Variants in PNPT1 observed in about 807,000 individuals in gnomAD.
The protein encoded by PNPT1 is polyribonucleotide nucleotidyltransferase 1, mitochondrial.
Under a neutral mutation model 119.5 loss-of-function variants are expected in PNPT1, and 53 were observed. The observed-to-expected ratio is 0.44, with a 90% CI of 0.36 to 0.56. The LOEUF is 0.56. Ranked by LOEUF, PNPT1 falls within the 20% of genes least tolerant of loss-of-function variation. The pLI is 0.00. For missense variants in PNPT1, 948 were observed against 938.5 expected (o/e 1.01, Z -0.13); for synonymous variants, 357 against 322.1 (o/e 1.11, Z -1.16).
chr2:55,670,843 T>C (rs1051432877), intron 11 of PNPT1, among the ~76,000 whole-genome samples: 1 of 152,170 alleles, frequency 6.6e-6, no homozygotes, highest in African/African-American at 2.4e-5. Context: ...GCATCAAATG[T>C]AGTGCTAGCT....
chr2:55,647,234 C>T lies in PNPT1; in HGVS notation c.1602+113G>A, dbSNP rs1416852736. On this transcript the variant is annotated intron_variant, in intron 19 of 27. Coordinates refer to ENST00000447944, the MANE Select transcript of PNPT1 (RefSeq NM_033109.5). The stretch of plus-strand genomic sequence containing the variant: ...AAATACTAGCATTCTTCTAAGCATA[C>T]GCTAGGTGCAAAGTACATATAGTCT... The T allele has an allele frequency of 3.1e-5, 24 of 772,234 alleles. No homozygotes were observed. The East Asian group carries it at 4.2e-4, about 13-fold the overall frequency. The allele number at this position is 772,234 out of a possible 1,614,324, so 47.8% of individuals were successfully genotyped here.
In PNPT1 at chr2:55,636,159, A is replaced by G. The variant is rs112367794; in HGVS notation, c.*78T>C. 12 of 1,006,072 alleles carry G rather than the reference A, an allele frequency of 1.2e-5. No individual in the cohort carries two copies. The highest frequency in any genetic ancestry group is 2.9e-5 in the Admixed American group (1 of 34,990). The allele number at this position is 1,006,072 out of a possible 1,614,324, so 62.3% of individuals were successfully genotyped here. A position where few individuals can be genotyped will look rare whatever the true frequency, so the allele number is the denominator to read the frequency against. ...ATTATATAGAAATCTACACAATGGA[A>G]GATACTACTAAAATGTTGCTCTACA... On this transcript the variant is annotated 3_prime_UTR_variant, in exon 28 of 28. Coordinates refer to ENST00000447944, the MANE Select transcript of PNPT1 (RefSeq NM_033109.5).
chr2:55,638,073 AG>A (rs1695728253), intron 26 of PNPT1, among the ~76,000 whole-genome samples: 1 of 151,466 alleles, frequency 6.6e-6, no homozygotes, highest in African/African-American at 2.4e-5. Context: ...AGGCTGGGGC[AG>A]GCAGATCACT....
chr2:55,663,410 T>C (rs573429953), intron 13 of PNPT1, among the ~76,000 whole-genome samples: 7 of 152,244 alleles, frequency 4.6e-5, no homozygotes, highest in African/African-American at 1.2e-4. Flanking sequence ...ATATGTGCAG[T>C]TGCAATTCTA....
At chr2:55,645,149 G>A (rs1219797445) in intron 22 of PNPT1, 200 bp downstream of exon 22, 4 of 357,264 alleles carry the variant, frequency 1.1e-5, no homozygotes, top group African/African-American at 2.2e-5. Flanking sequence ...TCAGCCTCCC[G>A]AGTAGCTGGG....
chr2:55,653,308 G>A (rs1023759946), intron 18 of PNPT1, among the ~76,000 whole-genome samples: 6 of 152,146 alleles, frequency 3.9e-5, no homozygotes, highest in Non-Finnish European at 7.3e-5. Context: ...TAGTCTCCAC[G>A]ATTTCTCAAT....
At chr2:55,686,943 G>A (rs1234676837) in intron 2 of PNPT1, among the ~76,000 whole-genome samples, 3 of 152,002 alleles carry the variant, frequency 2.0e-5, no homozygotes, top group Admixed American at 1.3e-4. Context: ...GGCCAGGCGC[G>A]GTGGCTCACG....
chr2:55,636,871 AAACAAC>A (rs144358783), intron 27 of PNPT1, among the ~76,000 whole-genome samples: 67,831 of 151,338 alleles, frequency 0.45, 16,120 homozygotes, highest in Non-Finnish European at 0.53. Flanking sequence ...TCTGATGTGA[AAACAAC>A]AACAACAACA....
At chr2:55,677,170 T>TA (rs765470217) in intron 8 of PNPT1, among the ~76,000 whole-genome samples, 7 of 152,228 alleles carry the variant, frequency 4.6e-5, no homozygotes, top group African/African-American at 9.6e-5. Context: ...AGCCTCCCTC[T>TA]ACCCAAGACT....
chr2:55,674,429 T>C (rs546515973), intron 8 of PNPT1, among the ~76,000 whole-genome samples: 1 of 151,978 alleles, frequency 6.6e-6, no homozygotes, highest in Non-Finnish European at 1.5e-5. Flanking sequence ...CCTGTCTCTA[T>C]AAAAAATGAA....
chr2:55,643,631 C>T (rs1165638954), intron 23 of PNPT1, among the ~76,000 whole-genome samples: 1 of 151,952 alleles, frequency 6.6e-6, no homozygotes, highest in Non-Finnish European at 1.5e-5. Context: ...TGCCCACCTA[C>T]TTGGGACTCA....
chr2:55,646,311 T>A lies in PNPT1; in HGVS notation c.1686A>T (p.Lys562Asn). The change falls in exon 21 of 28, where the codon AAA becomes AAT. Residue 562 changes from lysine (K) to asparagine (N), a missense_variant. Transcript: ENST00000447944. ...CAATTTTTATTGGTATTCCAGGTAA[T>A]TTAATATCAGCCTAATATGGAAAAG... ...KGITALQADIKLPGIPIKIVM... is the reference protein window; with the variant it reads ...KGITALQADINLPGIPIKIVM... The A allele has an allele frequency of 6.2e-7, 1 of 1,612,702 alleles. No homozygotes were observed. The highest frequency in any genetic ancestry group is 8.5e-7 in the Non-Finnish European group (1 of 1,178,866).
chr2:55,672,880 C>G lies in PNPT1; in HGVS notation c.866+13G>C. The G allele has an allele frequency of 6.4e-7, 1 of 1,573,576 alleles. No individual in the cohort carries two copies. The highest frequency in any genetic ancestry group is 2.3e-5 in the East Asian group (1 of 43,448). On this transcript the variant is annotated intron_variant, in intron 9 of 27. Transcript: ENST00000447944. ...TGACAATTTCATATTTTCATTTGCA[C>G]AGATGTTCTTACTTATGAGTATATT...
At chr2:55,691,563 G>A (rs996431699) in intron 1 of PNPT1, among the ~76,000 whole-genome samples, 3 of 152,114 alleles carry the variant, frequency 2.0e-5, no homozygotes, top group Non-Finnish European at 4.4e-5. Context: ...ATTAATAAAT[G>A]AAAGAGTCAA....
intron 14 of PNPT1, among the ~76,000 whole-genome samples, chr2:55,660,959 G>A (rs1248322837): frequency 2.6e-5 from 4 of 152,068 alleles, no homozygotes; most frequent in East Asian, 1.9e-4. Context: ...AAGGAGGGCC[G>A]AGCCTTGTGG....
chr2:55,642,465 T>C (rs1250994761), intron 25 of PNPT1, among the ~76,000 whole-genome samples: 3 of 151,664 alleles, frequency 2.0e-5, no homozygotes, highest in South Asian at 2.1e-4. Context: ...AATAATTAGC[T>C]AGGCGTGGTG....
chr2:55,638,297 G>C (rs1170901140), intron 26 of PNPT1, among the ~76,000 whole-genome samples: 1 of 78,748 alleles, frequency 1.3e-5, no homozygotes, highest in East Asian at 2.4e-4. Context: ...GTCAGACTCT[G>C]TCTCAGAAAA....
chr2:55,665,788 C>A (rs191744493), intron 13 of PNPT1, among the ~76,000 whole-genome samples: 2 of 152,296 alleles, frequency 1.3e-5, no homozygotes, highest in East Asian at 3.9e-4. Context: ...AAAGTTACTA[C>A]TTGGTGCCTA....
intron 1 of PNPT1, 139 bp downstream of exon 1, chr2:55,693,524 A>T (rs1451334259): frequency 3.2e-6 from 4 of 1,263,840 alleles, no homozygotes; most frequent in Non-Finnish European, 4.4e-6. Flanking sequence ...CCGGAAAGGG[A>T]AATTTGGAAT....
Sources: gnomAD v4.1 joint callset for allele counts (sites outside exome capture counted in the v4.1 genomes callset) on GRCh38, gnomAD v4.1.1 for gene constraint, MANE v1.5 for transcripts, NCBI Gene and HGNC (gene_info 2026-07-23, HGNC 2026-07-21) for gene names.